The following EFR3A variants were observed in gnomAD, a reference collection of about 807,000 sequenced individuals.
EFR3A encodes the protein protein EFR3 homolog A.
In EFR3A, 76 loss-of-function variants were observed where a neutral mutation model predicts 104.4. The ratio of observed to expected loss-of-function variants is 0.73; its 90% confidence interval spans 0.60 to 0.88. The LOEUF is 0.88. Ranked by LOEUF, EFR3A falls within the 40% of genes least tolerant of loss-of-function variation. EFR3A has a pLI of 0.00. For missense variants in EFR3A, 985 were observed against 1,012.5 expected (o/e 0.97, Z 0.37); for synonymous variants, 330 against 330.0 (o/e 1.00, Z 0.00).
At chr8:131,916,139 G>A (rs1816735980) in intron 1 of EFR3A, among the ~76,000 whole-genome samples, 1 of 152,190 alleles carries the variant, frequency 6.6e-6, no homozygotes, top group African/African-American at 2.4e-5. Context: ...TGTTTATAGA[G>A]TGAATCAAAG....
At chr8:131,985,389 C>G (rs76770537) in intron 16 of EFR3A, among the ~76,000 whole-genome samples, 2 of 152,144 alleles carry the variant, frequency 1.3e-5, no homozygotes, top group East Asian at 3.9e-4. Flanking sequence ...AAATTATACT[C>G]TTTTGTTGTT....
At chr8:131,955,973 A>G in intron 7 of EFR3A, 68 bp downstream of exon 7, 1 of 1,559,890 alleles carries the variant, frequency 6.4e-7, no homozygotes, top group South Asian at 1.2e-5. Flanking sequence ...ACTTATTTAT[A>G]GAGGACAACT....
rs1344320226 is a variant in EFR3A at position 131,953,809 on chromosome 8, T to A, written c.489-9T>A. 6.7e-7 allele frequency: 1 copy of A among 1,492,562 alleles called. No homozygotes were observed. Among genetic ancestry groups the A allele is most frequent in the African/African-American group, 1.4e-5 (1 of 70,148 alleles). 92.5% of individuals were successfully genotyped at this position (1,492,562 alleles called of 1,614,324 possible). A position where few individuals can be genotyped will look rare whatever the true frequency, so the allele number is the denominator to read the frequency against. ...GGCTCATTTTCTTCCTTTTTTTTTT[T>A]TTTTATAGGATACGAATTGCTGGAA... is the stretch of plus-strand genomic sequence containing the variant. On this transcript the variant is annotated splice_polypyrimidine_tract_variant and intron_variant, in intron 5 of 22. Coordinates refer to ENST00000254624, the MANE Select transcript of EFR3A (RefSeq NM_015137.6).
At chr8:131,967,859 A>C (rs1217874434) in intron 8 of EFR3A, among the ~76,000 whole-genome samples, 2 of 151,960 alleles carry the variant, frequency 1.3e-5, no homozygotes, top group Admixed American at 6.6e-5. Context: ...TAGTTTGGCT[A>C]TGGGAAAATA....
At chr8:131,921,217 G>A (rs1467346276) in intron 1 of EFR3A, among the ~76,000 whole-genome samples, 2 of 152,120 alleles carry the variant, frequency 1.3e-5, no homozygotes, top group Non-Finnish European at 2.9e-5. Context: ...CAAGGTGTTG[G>A]CAGGGTGGGT....
intron 7 of EFR3A, among the ~76,000 whole-genome samples, chr8:131,958,524 A>G (rs576724772): frequency 2.0e-5 from 3 of 152,192 alleles, no homozygotes; most frequent in African/African-American, 7.2e-5. Context: ...TATAGAGCCT[A>G]GAGCATAGTA....
At chr8:131,931,271 C>T (rs1453591082) in intron 1 of EFR3A, among the ~76,000 whole-genome samples, 1 of 151,992 alleles carries the variant, frequency 6.6e-6, no homozygotes, top group East Asian at 1.9e-4. Context: ...GTATTTATTC[C>T]AAGGCAACCT....
intron 8 of EFR3A, among the ~76,000 whole-genome samples, chr8:131,963,877 T>C (rs1563669682): frequency 6.6e-6 from 1 of 152,140 alleles, no homozygotes; most frequent in Non-Finnish European, 1.5e-5. Context: ...TCCACCATGA[T>C]CAAGTGGGCT....
chr8:131,918,141 G>A (rs993004426), intron 1 of EFR3A, among the ~76,000 whole-genome samples: 4 of 152,142 alleles, frequency 2.6e-5, no homozygotes, highest in Admixed American at 6.5e-5. Context: ...GCAAAAATTA[G>A]CTGGGCGTGG....
Position 131,986,186 on chromosome 8 carries a change from T to C in EFR3A, c.1870-8T>C, listed in dbSNP as rs1211682500. 3.9e-6 allele frequency: 6 copies of C among 1,546,120 alleles called. No individual in the cohort carries two copies. The highest frequency in any genetic ancestry group is 1.7e-5 in the Admixed American group (1 of 57,978). On this transcript the variant is annotated splice_region_variant and splice_polypyrimidine_tract_variant and intron_variant, in intron 16 of 22. Coordinates refer to ENST00000254624, the MANE Select transcript of EFR3A (RefSeq NM_015137.6). ...TTGATTTTTGTTCTGTTTTTGAATA[T>C]TTTTTAGGTTATTGAAATTCGAACT...
At chr8:131,926,818 T>C (rs1817322548) in intron 1 of EFR3A, among the ~76,000 whole-genome samples, 1 of 152,148 alleles carries the variant, frequency 6.6e-6, no homozygotes, top group East Asian at 1.9e-4. Context: ...ACTTTCTATG[T>C]ACTTTAAGTG....
chr8:132,003,260 G>C lies in EFR3A; in HGVS notation c.2335G>C (p.Ala779Pro), dbSNP rs1290116745. 2 of 1,611,442 alleles carry C rather than the reference G, an allele frequency of 1.2e-6. No homozygotes were observed. The highest frequency in any genetic ancestry group is 1.7e-6 in the Non-Finnish European group (2 of 1,178,716). ...GGCAAATTTGCTTCATGATAGACTT[G>C]CCCAAATATTGGAACTCACCATACG... ...SKANLLHDRL[A>P]QILELTIRPP... is the part of the protein sequence containing the mutation. The change falls in exon 22 of 23, where the codon GCC becomes CCC. Residue 779 changes from alanine (A) to proline (P), a missense_variant. By Grantham distance (27) the Ala-to-Pro change is conservative. Transcript: ENST00000254624.
intron 1 of EFR3A, among the ~76,000 whole-genome samples, chr8:131,910,299 TCTCA>T (rs1325535201): frequency 1.3e-5 from 2 of 152,092 alleles, no homozygotes; most frequent in Non-Finnish European, 2.9e-5. Context: ...TGAGATGGAG[TCTCA>T]CTCTGTAGCC....
At chr8:131,921,469 A>G (rs1438518224) in intron 1 of EFR3A, among the ~76,000 whole-genome samples, 4 of 152,194 alleles carry the variant, frequency 2.6e-5, no homozygotes, top group African/African-American at 7.2e-5. Flanking sequence ...TATGACTTTA[A>G]CATATGAATT....
At chr8:132,002,856 T>G in intron 21 of EFR3A, 150 bp downstream of exon 21, 5 of 626,386 alleles carry the variant, frequency 8.0e-6, no homozygotes, top group Non-Finnish European at 1.4e-5. Context: ...TGAAGGCATA[T>G]CTATGAGACC....
At chr8:132,009,557 A>G (rs33932989) in intron 22 of EFR3A, among the ~76,000 whole-genome samples, 4,539 of 152,164 alleles carry the variant, frequency 0.03, 148 homozygotes, top group South Asian at 0.13. Context: ...AAATTCAAGT[A>G]TAGAAGGTAT....
chr8:131,946,864 T>C (rs1296296882), intron 4 of EFR3A, among the ~76,000 whole-genome samples: 1 of 152,090 alleles, frequency 6.6e-6, no homozygotes, highest in Non-Finnish European at 1.5e-5. Flanking sequence ...AATGAATGCA[T>C]ACTTGTCATT....
At chr8:131,950,118 TAGTA>T (rs757468519) in intron 5 of EFR3A, 28 bp downstream of exon 5, 18 of 1,557,188 alleles carry the variant, frequency 1.2e-5, no homozygotes, top group Admixed American at 3.7e-5. Flanking sequence ...TTATGATCTA[TAGTA>T]AGTAATTTAG....
chr8:131,933,846 G>C (rs556989751), intron 1 of EFR3A, among the ~76,000 whole-genome samples: 1 of 151,882 alleles, frequency 6.6e-6, no homozygotes, highest in Admixed American at 6.6e-5. Context: ...GTTTGGAGAA[G>C]TGTACAAGAG....
Sources: gnomAD v4.1 joint callset for allele counts (sites outside exome capture counted in the v4.1 genomes callset) on GRCh38, gnomAD v4.1.1 for gene constraint, MANE v1.5 for transcripts, NCBI Gene and HGNC (gene_info 2026-07-23, HGNC 2026-07-21) for gene names.